CYBRD1: variants seen among roughly 807,000 people sequenced by gnomAD.
The protein encoded by CYBRD1 is plasma membrane ascorbate-dependent reductase CYBRD1.
In CYBRD1, 14 loss-of-function variants were observed where a neutral mutation model predicts 21.9. The observed-to-expected ratio is 0.64, with a 90% confidence interval of 0.42 to 1.00. The LOEUF (loss-of-function observed/expected upper bound fraction) is 1.00, where lower values mean the gene tolerates loss of function less well. Among genes scored for constraint, CYBRD1 ranks in the 50% least tolerant of loss-of-function variants. The pLI is 0.00. For synonymous variants in CYBRD1, 146 were observed against 136.5 expected, an observed-to-expected ratio of 1.07 and a Z score of -0.48; for missense variants, 328 against 352.5, an observed-to-expected ratio of 0.93 and a Z score of 0.56.
chr2:171,525,195 C>T (rs537100737), intron 1 of CYBRD1, among the ~76,000 whole-genome samples: 1 of 152,318 alleles, frequency 6.6e-6, no homozygotes, highest in Admixed American at 6.5e-5. Context: ...ACCTCGGCCC[C>T]CCAGACTGCT....
intron 1 of CYBRD1, among the ~76,000 whole-genome samples, chr2:171,527,124 A>T (rs2105329218): frequency 6.6e-6 from 1 of 152,318 alleles, no homozygotes; most frequent in South Asian, 2.1e-4. Flanking sequence ...ACCTACTCTA[A>T]AAGAAGCTTC....
intron 2 of CYBRD1, among the ~76,000 whole-genome samples, chr2:171,545,680 C>T (rs76608036): frequency 0.039 from 5,964 of 151,596 alleles, 185 homozygotes; most frequent in South Asian, 0.13. Context: ...TGAACCATCA[C>T]GTCCGGCCAA....
chr2:171,523,178 T>G, intron 1 of CYBRD1: 1 of 352,908 alleles, frequency 2.8e-6, no homozygotes. Flanking sequence ...GCCTGCGCGA[T>G]CGGGGGCGCG....
intron 1 of CYBRD1, among the ~76,000 whole-genome samples, chr2:171,534,512 T>C (rs1187156289): frequency 1.3e-5 from 2 of 152,244 alleles, no homozygotes; most frequent in Non-Finnish European, 2.9e-5. Flanking sequence ...CAGTTACTTA[T>C]ACATTTTAAA....
intron 2 of CYBRD1, among the ~76,000 whole-genome samples, chr2:171,552,829 G>A (rs772091392): frequency 2.6e-5 from 4 of 152,140 alleles, no homozygotes; most frequent in Non-Finnish European, 4.4e-5. Context: ...TTTTTAGGTT[G>A]AACTGACTAA....
intron 2 of CYBRD1, among the ~76,000 whole-genome samples, chr2:171,550,101 A>AT (rs1267640062): frequency 9.2e-5 from 14 of 151,902 alleles, no homozygotes; most frequent in African/African-American, 3.1e-4. Context: ...TTTATTTTTT[A>AT]TTTTTTTGTT....
Position 171,554,661 on chromosome 2 carries a change from C to T in CYBRD1, c.695C>T (p.Ser232Phe). Residue 232 changes from serine to phenylalanine, a missense_variant, in exon 4 of 4, where the codon TCT becomes TTT. Ser to Phe is a radical substitution (Grantham distance 155). Transcript: ENST00000321348. ...TGGAAACGTCCTAAGGAGCCAAATT[C>T]TACCATTCTTCATCCAAATGGAGGC... ...PQWKRPKEPN[S>F]TILHPNGGTE... 6.2e-7 allele frequency: 1 copy of T among 1,614,082 alleles called. No homozygotes were observed. Among genetic ancestry groups the T allele is most frequent in the Non-Finnish European group, 8.5e-7 (1 of 1,179,984 alleles).
At chr2:171,548,705 T>G (rs558589701) in intron 2 of CYBRD1, among the ~76,000 whole-genome samples, 1 of 144,726 alleles carries the variant, frequency 6.9e-6, no homozygotes. Flanking sequence ...CAGGTAGATA[T>G]TTTCTGGTCT....
intron 1 of CYBRD1, among the ~76,000 whole-genome samples, chr2:171,525,926 A>C (rs1697378855): frequency 7.0e-6 from 1 of 143,234 alleles, no homozygotes; most frequent in South Asian, 2.3e-4. Flanking sequence ...CAGCCTGGGC[A>C]ACAAGAGCGA....
At position 171,557,727 on chromosome 2, in the gene CYBRD1, T is replaced by G. The variant is rs1165817881; in HGVS notation, c.*2900T>G. ...TCTAAAGGACAAAATACAGAGTGTGTGTCATTTTTAATTAGATTCTTTCCC... is the reference window on the plus strand; with the variant it reads ...TCTAAAGGACAAAATACAGAGTGTGGGTCATTTTTAATTAGATTCTTTCCC... On this transcript the variant is annotated 3_prime_UTR_variant, in exon 4 of 4. Coordinates refer to ENST00000321348, the MANE Select transcript of CYBRD1 (RefSeq NM_024843.4). 1 of 152,186 alleles carries G rather than the reference T, an allele frequency of 6.6e-6. No homozygotes were observed. The highest frequency in any genetic ancestry group is 1.5e-5 in the Non-Finnish European group (1 of 68,032). 9.4% of individuals were successfully genotyped at this position (152,186 alleles called of 1,614,324 possible).
chr2:171,530,475 T>C (rs1005893198), intron 1 of CYBRD1, among the ~76,000 whole-genome samples: 1 of 152,216 alleles, frequency 6.6e-6, no homozygotes, highest in African/African-American at 2.4e-5. Context: ...ATCTGTTTAC[T>C]AAGGCAGTTA....
intron 2 of CYBRD1, among the ~76,000 whole-genome samples, chr2:171,543,922 G>C (rs149893464): frequency 1.3e-5 from 2 of 151,912 alleles, no homozygotes; most frequent in African/African-American, 2.4e-5. Flanking sequence ...ACATCTCCTG[G>C]TCCTCACATC....
intron 1 of CYBRD1, among the ~76,000 whole-genome samples, chr2:171,532,071 A>C (rs551431887): frequency 3.9e-5 from 6 of 152,312 alleles, no homozygotes; most frequent in Admixed American, 2.0e-4. Context: ...ACATGTTTCA[A>C]AGCTCTGATT....
chr2:171,538,792 TG>T (rs1214114513), intron 1 of CYBRD1, among the ~76,000 whole-genome samples: 1 of 152,000 alleles, frequency 6.6e-6, no homozygotes. Flanking sequence ...ATGAAGTTCT[TG>T]GGTGTTTGTT....
intron 2 of CYBRD1, among the ~76,000 whole-genome samples, chr2:171,546,863 T>A (rs140658498): frequency 6.6e-6 from 1 of 151,578 alleles, no homozygotes; most frequent in Non-Finnish European, 1.5e-5. Flanking sequence ...ATTTGAGGAG[T>A]AGGGAGGAGA....
Position 171,522,652 on chromosome 2 carries a change from AG to A in CYBRD1, c.111del (p.Gly39AlafsTer7). ...FALVWVLHYREGLGWDGSALE... is the reference protein window; with the variant it reads ...FALVWVLHYRXGLGWDGSALE... The stretch of plus-strand genomic sequence containing the variant: ...CTCGTCTGGGTCCTCCACTACCGAG[AG>A]GGGCTTGGCTGGGATGGGAGCGCAC... On this transcript the variant is annotated frameshift_variant, in exon 1 of 4. Coordinates refer to ENST00000321348, the MANE Select transcript of CYBRD1 (RefSeq NM_024843.4). LOFTEE classifies it high-confidence loss of function. The surrounding 1 kb of genome is among the most constrained non-coding windows in gnomAD (Gnocchi z 4.3). 2 of 1,613,012 alleles carry A rather than the reference AG, an allele frequency of 1.2e-6. No individual in the cohort carries two copies. Among genetic ancestry groups the A allele is most frequent in the Non-Finnish European group, 1.7e-6 (2 of 1,179,842 alleles).
chr2:171,523,561 G>A (rs923405297), intron 1 of CYBRD1, among the ~76,000 whole-genome samples: 2 of 152,218 alleles, frequency 1.3e-5, no homozygotes, highest in South Asian at 2.1e-4. Flanking sequence ...GAGAGGGCCC[G>A]CGGCTGCCTG....
At chr2:171,546,791 G>GTC (rs1697722605) in intron 2 of CYBRD1, among the ~76,000 whole-genome samples, 1 of 152,160 alleles carries the variant, frequency 6.6e-6, no homozygotes, top group Non-Finnish European at 1.5e-5. Context: ...CACACACCTG[G>GTC]TGTAGAAAGG....
intron 1 of CYBRD1, among the ~76,000 whole-genome samples, chr2:171,523,599 GC>G (rs1398750699): frequency 1.3e-5 from 2 of 152,210 alleles, no homozygotes; most frequent in African/African-American, 4.8e-5. Flanking sequence ...TGCTCGGGAT[GC>G]CCCCGGCGCA....
Sources: gnomAD v4.1 joint callset for allele counts (sites outside exome capture counted in the v4.1 genomes callset) on GRCh38, gnomAD v4.1.1 for gene constraint, Gnocchi (gnomAD v3.1) non-coding constraint, MANE v1.5 for transcripts, NCBI Gene and HGNC (gene_info 2026-07-23, HGNC 2026-07-21) for gene names.